Variants in ABCB5 observed in about 807,000 individuals in gnomAD.
ABCB5 encodes the protein ATP binding cassette subfamily B member 5, also known as ATP-binding cassette sub-family B member 5.
Under a neutral mutation model 144.2 loss-of-function variants are expected in ABCB5, and 155 were observed. That is an observed-to-expected ratio of 1.08 (90% CI 0.94 to 1.23). The LOEUF (loss-of-function observed/expected upper bound fraction) is 1.23. ABCB5 is among the 50% of genes most tolerant of loss of function. The pLI is 0.00. For synonymous variants in ABCB5, 610 were observed against 528.6 expected, an observed-to-expected ratio of 1.15 and a Z score of -2.11; for missense variants, 1,830 against 1,520.8, an observed-to-expected ratio of 1.20 and a Z score of -3.38.
chr7:20,658,413 G>C (rs969232754), intron 13 of ABCB5, 93 bp from the exon 14 acceptor site: 7 of 1,247,886 alleles, frequency 5.6e-6, no homozygotes, highest in African/African-American at 1.5e-5. Flanking sequence ...TGATTAAGCT[G>C]ATATTAAAAC....
rs142509582 is a variant in ABCB5 at position 20,733,952 on chromosome 7, T to A, written c.2868-5031T>A. Among the ~76,000 whole-genome samples the A allele has an allele frequency of 2.2e-4, 34 of 152,134 alleles. No individual in the cohort carries two copies. The South Asian group carries it at 5.8e-3, about 26-fold the overall frequency. Reference sequence around the variant, plus strand: ...ACCACACCCAGCCTCACGTTTTGAGTTTCATCCAGTCAGAATACAGACAGA... The same window carrying A: ...ACCACACCCAGCCTCACGTTTTGAGATTCATCCAGTCAGAATACAGACAGA... On this transcript the variant is annotated intron_variant, in intron 23 of 27. Transcript: ENST00000404938.
chr7:20,661,160 C>T (rs1182690662), intron 14 of ABCB5, among the ~76,000 whole-genome samples: 3 of 152,164 alleles, frequency 2.0e-5, no homozygotes, highest in African/African-American at 7.2e-5. Context: ...AATAACTCCC[C>T]ACCTCACTCT....
In ABCB5 at chr7:20,643,552, T is replaced by C. The variant is rs1241342874; in HGVS notation, c.598T>C (p.Leu200=). 1.2e-6 allele frequency: 2 copies of C among 1,613,900 alleles called. No homozygotes were observed. The highest frequency in any genetic ancestry group is 1.7e-6 in the Non-Finnish European group (2 of 1,179,896). The change falls in exon 7 of 28, where the codon TTG becomes CTG. Residue 200 remains leucine, a synonymous_variant. Coordinates refer to ENST00000404938, the MANE Select transcript of ABCB5 (RefSeq NM_001163941.2). ...TTTTTCGATTGGCCTGGCAGTTGGT[T>C]TGGTGAAGGGCTGGAAACTCACCCT... is the stretch of plus-strand genomic sequence containing the variant. The part of the protein sequence containing the change: ...STFSIGLAVG[L]VKGWKLTLVT...
At chr7:20,647,285 T>C in intron 9 of ABCB5, 1 of 1,231,308 alleles carries the variant, frequency 8.1e-7, no homozygotes, top group Non-Finnish European at 1.0e-6. Flanking sequence ...TATGAGATAA[T>C]CAAAAGTTGT....
chr7:20,731,578 C>T (rs1019939689), intron 23 of ABCB5, among the ~76,000 whole-genome samples: 1 of 151,892 alleles, frequency 6.6e-6, no homozygotes, highest in Non-Finnish European at 1.5e-5. Context: ...AGCACAAGAC[C>T]CTTATCCAAT....
Position 20,648,040 on chromosome 7 carries a change from A to G in ABCB5, c.1168A>G (p.Asn390Asp). The G allele has an allele frequency of 6.2e-7, 1 of 1,611,074 alleles. No individual in the cohort carries two copies. Among genetic ancestry groups the G allele is most frequent in the Non-Finnish European group, 8.5e-7 (1 of 1,177,774 alleles). Reference sequence around the variant, plus strand: ...CATAGAAGGAACTGTGGAATTTAAAAATGTTTCTTTCAATTATCCATCAAG... The same window carrying G: ...CATAGAAGGAACTGTGGAATTTAAAGATGTTTCTTTCAATTATCCATCAAG... ...ESIEGTVEFK[N>D]VSFNYPSRPS... Residue 390 changes from asparagine (N) to aspartate (D), a missense_variant, in exon 11 of 28, where the codon AAT (asparagine) becomes GAT (aspartate). Coordinates refer to ENST00000404938, the MANE Select transcript of ABCB5 (RefSeq NM_001163941.2).
At chr7:20,741,664 T>A (rs1782565751) in intron 24 of ABCB5, among the ~76,000 whole-genome samples, 1 of 152,138 alleles carries the variant, frequency 6.6e-6, no homozygotes, top group South Asian at 2.1e-4. Flanking sequence ...TGTTTACTCC[T>A]CACCCCTACC....
At chr7:20,707,804 T>TTTTTTTC (rs1786869188) in intron 20 of ABCB5, among the ~76,000 whole-genome samples, 2 of 25,904 alleles carry the variant, frequency 7.7e-5, no homozygotes, top group African/African-American at 2.9e-4. Flanking sequence ...CTCATTTCTT[T>TTTTTTTC]TTTTTTTTTT....
intron 13 of ABCB5, chr7:20,651,842 T>A (rs1784605272): frequency 1.8e-6 from 1 of 544,862 alleles, no homozygotes; most frequent in African/African-American, 1.9e-5. Context: ...GATTTTTTTG[T>A]GATTTTTAAA....
chr7:20,737,176 A>G (rs1052800910), intron 23 of ABCB5, among the ~76,000 whole-genome samples: 1 of 151,928 alleles, frequency 6.6e-6, no homozygotes, highest in Admixed American at 6.6e-5. Flanking sequence ...AAAAAGATGA[A>G]GAAGATTAGT....
chr7:20,753,435 G>A lies in ABCB5; in HGVS notation c.3505G>A (p.Ala1169Thr). The change falls in exon 27 of 28, where the codon GCT becomes ACT. Residue 1169 changes from alanine (A) to threonine (T), a missense_variant. Coordinates refer to ENST00000404938, the MANE Select transcript of ABCB5 (RefSeq NM_001163941.2). ...GAAACAAAGACTAGCTATTGCAAGG[G>A]CTCTTCTCCAAAAACCCAAAATTTT... Reference protein sequence around the residue: ...GQKQRLAIARALLQKPKILLL... With the variant: ...GQKQRLAIARTLLQKPKILLL... 1.9e-6 allele frequency: 3 copies of A among 1,614,078 alleles called. No homozygotes were observed. Among genetic ancestry groups the A allele is most frequent in the Non-Finnish European group, 2.5e-6 (3 of 1,179,998 alleles).
intron 13 of ABCB5, among the ~76,000 whole-genome samples, chr7:20,655,325 T>C (rs1268788884): frequency 6.6e-6 from 1 of 151,942 alleles, no homozygotes; most frequent in Non-Finnish European, 1.5e-5. Flanking sequence ...TACAAAAAAT[T>C]AGCTGGGTGT....
At chr7:20,646,742 A>G (rs1237182404) in intron 9 of ABCB5, among the ~76,000 whole-genome samples, 2 of 152,238 alleles carry the variant, frequency 1.3e-5, no homozygotes, top group Non-Finnish European at 2.9e-5. Context: ...TTGAGGAACC[A>G]AAATGATCTG....
chr7:20,618,764 C>CTTTTTT (rs59970398), intron 1 of ABCB5, among the ~76,000 whole-genome samples: 1,244 of 51,634 alleles, frequency 0.024, 176 homozygotes, highest in Non-Finnish European at 0.028. Flanking sequence ...GCTGCATTTT[C>CTTTTTT]TTTTTTTTTT....
At chr7:20,657,226 G>A (rs1456488878) in intron 13 of ABCB5, among the ~76,000 whole-genome samples, 4 of 152,126 alleles carry the variant, frequency 2.6e-5, no homozygotes, top group Non-Finnish European at 4.4e-5. Flanking sequence ...GATAGATCTA[G>A]AGTTGCCAGA....
chr7:20,621,977 G>C (rs1172158176), intron 1 of ABCB5, among the ~76,000 whole-genome samples: 1 of 152,066 alleles, frequency 6.6e-6, no homozygotes, highest in African/African-American at 2.4e-5. Flanking sequence ...TGCTCATACT[G>C]TTTCCCAAGT....
chr7:20,714,909 C>A (rs548637732), intron 20 of ABCB5, among the ~76,000 whole-genome samples: 26 of 152,308 alleles, frequency 1.7e-4, no homozygotes, highest in African/African-American at 6.3e-4. Flanking sequence ...CTTTAAGTGA[C>A]ATGACTCTCA....
intron 15 of ABCB5, 136 bp from the exon 16 acceptor site, chr7:20,685,560 C>G: frequency 1.4e-6 from 1 of 697,702 alleles, no homozygotes; most frequent in Non-Finnish European, 2.3e-6. Context: ...AGCCTGAAAG[C>G]TGTTCAGCAA....
intron 15 of ABCB5, 66 bp from the exon 16 acceptor site, chr7:20,685,630 C>A: frequency 7.1e-7 from 1 of 1,403,574 alleles, no homozygotes; most frequent in Non-Finnish European, 9.7e-7. Flanking sequence ...TAAAGAGATG[C>A]TTAATAAGTT....
Sources: allele counts gnomAD v4.1 joint callset (sites outside exome capture counted in the v4.1 genomes callset), GRCh38; gene constraint gnomAD v4.1.1; transcripts MANE v1.5; gene names NCBI Gene and HGNC (gene_info 2026-07-23, HGNC 2026-07-21).